FLVCR2: variants seen among roughly 807,000 people sequenced by gnomAD.
FLVCR2 encodes choline/ethanolamine transporter FLVCR2.
Under a neutral mutation model 48.9 loss-of-function variants are expected in FLVCR2, and 38 were observed. The ratio of observed to expected loss-of-function variants is 0.78; its 90% CI spans 0.60 to 1.02. The LOEUF is 1.02. FLVCR2 is among the 50% of genes least tolerant of loss of function. The probability of loss-of-function intolerance (pLI) is 0.00; values close to 1 mark genes in which losing one functional copy is unlikely to be tolerated. For synonymous variants in FLVCR2, 255 were observed against 257.0 expected, an observed-to-expected ratio of 0.99 and a Z score of 0.07; for missense variants, 664 against 663.3, an observed-to-expected ratio of 1.00 and a Z score of -0.01.
intron 1 of FLVCR2, among the ~76,000 whole-genome samples, chr14:75,616,163 C>T (rs886324307): frequency 2.0e-5 from 3 of 150,538 alleles, no homozygotes; most frequent in South Asian, 4.2e-4. Flanking sequence ...CCCAATTCCA[C>T]AAAAAATTAA....
intron 1 of FLVCR2, among the ~76,000 whole-genome samples, chr14:75,588,967 G>T (rs535930033): frequency 7.1e-4 from 108 of 152,210 alleles, no homozygotes; most frequent in African/African-American, 2.5e-3. Flanking sequence ...ATATGAGGGA[G>T]ACTCAAGGCA....
intron 6 of FLVCR2, 64 bp from the exon 7 acceptor site, chr14:75,640,891 G>A: frequency 3.5e-6 from 4 of 1,129,250 alleles, no homozygotes; most frequent in Non-Finnish European, 5.4e-6. Context: ...GGGAGGAGGT[G>A]GGCTCCCCAT....
At chr14:75,603,145 G>T (rs926724099) in intron 1 of FLVCR2, among the ~76,000 whole-genome samples, 4 of 152,302 alleles carry the variant, frequency 2.6e-5, no homozygotes, top group Admixed American at 2.0e-4. Flanking sequence ...AGGAGGCAGA[G>T]AAATTCTAGG....
chr14:75,632,374 AG>A (rs1890067769), intron 3 of FLVCR2, among the ~76,000 whole-genome samples: 1 of 145,972 alleles, frequency 6.9e-6, no homozygotes. Context: ...AAATGGACAG[AG>A]AGACCTATTC....
intron 1 of FLVCR2, among the ~76,000 whole-genome samples, chr14:75,588,870 A>G (rs907278221): frequency 2.6e-5 from 4 of 152,178 alleles, no homozygotes; most frequent in African/African-American, 9.7e-5. Context: ...GACAAAACAC[A>G]TTCATTCTAT....
chr14:75,609,297 A>C (rs1369549345), intron 1 of FLVCR2, among the ~76,000 whole-genome samples: 1 of 152,176 alleles, frequency 6.6e-6, no homozygotes, highest in African/African-American at 2.4e-5. Context: ...CTAATGGTGC[A>C]AATGTCAGCC....
intron 1 of FLVCR2, among the ~76,000 whole-genome samples, chr14:75,606,217 G>T (rs1170229116): frequency 6.6e-6 from 1 of 152,048 alleles, no homozygotes; most frequent in Non-Finnish European, 1.5e-5. Context: ...TGTAGAGATG[G>T]GGTTTTGCCA....
Position 75,579,493 on chromosome 14 carries a change from C to G in FLVCR2, c.521C>G (p.Pro174Arg), listed in dbSNP as rs767768620. ...GAWVKLGSLKPHLFPVTVVGQ... is the reference protein window; with the variant it reads ...GAWVKLGSLKRHLFPVTVVGQ... ...TGGGTGAAGCTGGGCAGCCTGAAGC[C>G]GCATCTCTTTCCGGTCACCGTGGTG... The change falls in exon 1 of 10, where the codon CCG becomes CGG. Residue 174 changes from proline to arginine, a missense_variant. Coordinates refer to ENST00000238667, the MANE Select transcript of FLVCR2 (RefSeq NM_017791.3). 1 of 1,612,942 alleles carries G rather than the reference C, an allele frequency of 6.2e-7. No homozygotes were observed. The highest frequency in any genetic ancestry group is 1.1e-5 in the South Asian group (1 of 91,056).
intron 1 of FLVCR2, among the ~76,000 whole-genome samples, chr14:75,584,034 C>T (rs1484976706): frequency 3.9e-5 from 6 of 152,174 alleles, no homozygotes; most frequent in South Asian, 4.1e-4. Context: ...CGATGTGAGT[C>T]GGACAGTCCG....
chr14:75,596,790 C>A (rs1033157529), intron 1 of FLVCR2, among the ~76,000 whole-genome samples: 4 of 124,658 alleles, frequency 3.2e-5, no homozygotes, highest in Non-Finnish European at 3.4e-5. Context: ...GCCCCCCCCC[C>A]CCGCCCCCAC....
chr14:75,624,869 T>A, intron 3 of FLVCR2, 117 bp downstream of exon 3: 1 of 1,302,086 alleles, frequency 7.7e-7, no homozygotes, highest in Non-Finnish European at 1.1e-6. Context: ...AGCTGTTGTC[T>A]AGGGTCAATC....
intron 1 of FLVCR2, among the ~76,000 whole-genome samples, chr14:75,603,844 G>A (rs1285227388): frequency 1.3e-5 from 2 of 152,152 alleles, no homozygotes; most frequent in Non-Finnish European, 2.9e-5. Flanking sequence ...AGAACTGAGG[G>A]CTAAGTGAGG....
Position 75,641,825 on chromosome 14 carries a change from TC to T in FLVCR2, c.1454-17del, listed in dbSNP as rs778098919. On this transcript the variant is annotated splice_polypyrimidine_tract_variant and intron_variant, in intron 8 of 9. Transcript: ENST00000238667. ...ACTGTATTTTTGTCTCTCTTCCTTC[TC>T]AATCTATCAACCTTAGCATTCATTA... 1.2e-6 allele frequency: 2 copies of T among 1,611,146 alleles called. No individual in the cohort carries two copies. The highest frequency in any genetic ancestry group is 1.7e-6 in the Non-Finnish European group (2 of 1,177,372).
At chr14:75,591,564 C>T (rs1201024903) in intron 1 of FLVCR2, among the ~76,000 whole-genome samples, 1 of 152,132 alleles carries the variant, frequency 6.6e-6, no homozygotes, top group East Asian at 1.9e-4. Context: ...GAATCAAATG[C>T]CTGAAGCTTA....
intron 1 of FLVCR2, among the ~76,000 whole-genome samples, chr14:75,592,451 A>G (rs1413148722): frequency 6.6e-6 from 1 of 152,062 alleles, no homozygotes; most frequent in Non-Finnish European, 1.5e-5. Context: ...CCTTTTTTCC[A>G]TTGTTCTGTT....
chr14:75,631,486 A>G (rs534145608), intron 3 of FLVCR2, among the ~76,000 whole-genome samples: 134 of 152,326 alleles, frequency 8.8e-4, no homozygotes, highest in Admixed American at 1.8e-3. Context: ...TCTGTTCCCC[A>G]GGTCTTTATC....
chr14:75,578,986 G>C lies in FLVCR2; in HGVS notation c.14G>C (p.Gly5Ala), dbSNP rs1166646438. The C allele has an allele frequency of 2.5e-6, 4 of 1,613,990 alleles. No individual in the cohort carries two copies. In the African/African-American group the frequency reaches 5.3e-5, roughly 22 times the overall value. ...GAGACTGTGGCGATGGTGAATGAAG[G>C]TCCCAACCAGGAAGAGAGCGATGAC... is the stretch of plus-strand genomic sequence containing the variant. MVNE[G>A]PNQEESDDTP... is the part of the protein sequence containing the mutation. The change falls in exon 1 of 10, where the codon GGT becomes GCT. Residue 5 changes from glycine to alanine, a missense_variant. Coordinates refer to ENST00000238667, the MANE Select transcript of FLVCR2 (RefSeq NM_017791.3).
intron 3 of FLVCR2, among the ~76,000 whole-genome samples, chr14:75,625,790 A>G (rs1366151161): frequency 6.6e-6 from 1 of 151,950 alleles, no homozygotes; most frequent in African/African-American, 2.4e-5. Context: ...AGTGCTTACT[A>G]TGTGTCAGGT....
chr14:75,587,223 G>C (rs1261103429), intron 1 of FLVCR2, among the ~76,000 whole-genome samples: 1 of 151,962 alleles, frequency 6.6e-6, no homozygotes, highest in Non-Finnish European at 1.5e-5. Context: ...TTTATCCAGA[G>C]TCCTATAACT....
Sources: allele counts gnomAD v4.1 joint callset (sites outside exome capture counted in the v4.1 genomes callset), GRCh38; gene constraint gnomAD v4.1.1; transcripts MANE v1.5; gene names NCBI Gene and HGNC (gene_info 2026-07-23, HGNC 2026-07-21).